The following CADM2 variants were observed in gnomAD, a reference collection of about 807,000 sequenced individuals.
CADM2 encodes cell adhesion molecule 2.
Under a neutral mutation model 49.8 loss-of-function variants are expected in CADM2, and 12 were observed. The observed-to-expected ratio is 0.24, with a 90% CI of 0.15 to 0.39. CADM2 has a LOEUF of 0.39. Ranked by LOEUF, CADM2 falls within the 10% of genes least tolerant of loss-of-function variation. CADM2 has a pLI of 1.00. For missense variants in CADM2, 378 were observed against 492.3 expected (o/e 0.77, Z 2.20); for synonymous variants, 214 against 175.4 (o/e 1.22, Z -1.74).
intron 1 of CADM2, among the ~76,000 whole-genome samples, chr3:85,502,368 C>T (rs1034020786): frequency 6.6e-6 from 1 of 151,884 alleles, no homozygotes; most frequent in African/African-American, 2.4e-5. Context: ...TTGTGAATTA[C>T]TTTGGTCGTT....
intron 1 of CADM2, among the ~76,000 whole-genome samples, chr3:85,207,698 A>T (rs1559720855): frequency 6.6e-6 from 1 of 152,198 alleles, no homozygotes; most frequent in Non-Finnish European, 1.5e-5. Flanking sequence ...ATTTAAGTTC[A>T]GTTAAGGACA....
chr3:85,075,840 C>T (rs942707252), intron 1 of CADM2, among the ~76,000 whole-genome samples: 7 of 152,050 alleles, frequency 4.6e-5, no homozygotes, highest in African/African-American at 1.7e-4. Context: ...AATTAAAATT[C>T]GTTACATTCT....
At chr3:85,209,626 A>C (rs1045410514) in intron 1 of CADM2, among the ~76,000 whole-genome samples, 1 of 152,046 alleles carries the variant, frequency 6.6e-6, no homozygotes, top group Non-Finnish European at 1.5e-5. Context: ...TGCATTTATT[A>C]CTATTTCTAA....
chr3:85,566,372 T>C (rs954747213), intron 1 of CADM2, among the ~76,000 whole-genome samples: 2 of 152,128 alleles, frequency 1.3e-5, no homozygotes, highest in Non-Finnish European at 2.9e-5. Flanking sequence ...TGGAATTTTA[T>C]TATAAAATTC....
intron 1 of CADM2, among the ~76,000 whole-genome samples, chr3:85,103,860 A>T (rs1489182858): frequency 1.3e-5 from 2 of 152,168 alleles, no homozygotes; most frequent in Non-Finnish European, 2.9e-5. Context: ...GGAGGAATGT[A>T]GTGGGCTAGG....
intron 1 of CADM2, among the ~76,000 whole-genome samples, chr3:85,213,531 A>G (rs894849673): frequency 1.3e-5 from 2 of 151,980 alleles, no homozygotes; most frequent in African/African-American, 4.8e-5. Context: ...TTGATTATTA[A>G]ATGCTTTAAG....
intron 1 of CADM2, among the ~76,000 whole-genome samples, chr3:85,521,648 C>G (rs990798480): frequency 6.6e-6 from 1 of 152,110 alleles, no homozygotes; most frequent in Non-Finnish European, 1.5e-5. Flanking sequence ...ATTTAAGACA[C>G]AATGGGCATT....
At chr3:85,743,072 C>T (rs1453248723) in intron 2 of CADM2, among the ~76,000 whole-genome samples, 1 of 152,092 alleles carries the variant, frequency 6.6e-6, no homozygotes, top group African/African-American at 2.4e-5. Context: ...ATAATAAAAG[C>T]CCCTGAAGCT....
chr3:85,803,963 CA>C (rs1254616881), intron 3 of CADM2, among the ~76,000 whole-genome samples: 1 of 152,054 alleles, frequency 6.6e-6, no homozygotes, highest in Non-Finnish European at 1.5e-5. Flanking sequence ...ACCTAATACT[CA>C]AGTAGAACTT....
intron 2 of CADM2, among the ~76,000 whole-genome samples, chr3:85,799,476 A>C (rs1302704220): frequency 6.6e-6 from 1 of 152,114 alleles, no homozygotes; most frequent in African/African-American, 2.4e-5. Flanking sequence ...TGTTTTTAGC[A>C]TGAAGGGGTG....
chr3:85,597,530 G>A (rs1163983073), intron 1 of CADM2, among the ~76,000 whole-genome samples: 1 of 151,990 alleles, frequency 6.6e-6, no homozygotes, highest in Admixed American at 6.6e-5. Context: ...GTATGATAGT[G>A]GAAAACAAAT....
At chr3:85,448,444 G>A (rs928595481) in intron 1 of CADM2, among the ~76,000 whole-genome samples, 12 of 151,588 alleles carry the variant, frequency 7.9e-5, no homozygotes, top group African/African-American at 2.7e-4. Flanking sequence ...GTTCTGCACC[G>A]TTTATCTTGC....
intron 1 of CADM2, among the ~76,000 whole-genome samples, chr3:85,125,993 T>C (rs2039021457): frequency 1.3e-5 from 2 of 152,222 alleles, no homozygotes; most frequent in African/African-American, 4.8e-5. Context: ...TCTTATTTTC[T>C]AGATATTTGC....
chr3:85,239,958 A>T (rs2042492565), intron 1 of CADM2, among the ~76,000 whole-genome samples: 1 of 151,456 alleles, frequency 6.6e-6, no homozygotes, highest in Admixed American at 6.6e-5. Flanking sequence ...ATAAGTTATA[A>T]TATTTAAAGA....
At chr3:85,327,552 G>A (rs955916653) in intron 1 of CADM2, among the ~76,000 whole-genome samples, 5 of 75,214 alleles carry the variant, frequency 6.6e-5, no homozygotes, top group African/African-American at 9.8e-5. Context: ...CACCATGCCC[G>A]GCCACACACA....
intron 1 of CADM2, among the ~76,000 whole-genome samples, chr3:85,235,960 A>G (rs1325712922): frequency 6.6e-6 from 1 of 152,088 alleles, no homozygotes; most frequent in Non-Finnish European, 1.5e-5. Context: ...TATGGTCTGT[A>G]TCTGTTGTTA....
intron 1 of CADM2, among the ~76,000 whole-genome samples, chr3:85,229,262 C>T (rs2042229593): frequency 1.3e-5 from 2 of 152,130 alleles, no homozygotes; most frequent in South Asian, 4.1e-4. Flanking sequence ...CCATGGGACC[C>T]GCTGAGCCAG....
chr3:85,366,382 G>A (rs924437455), intron 1 of CADM2, among the ~76,000 whole-genome samples: 10 of 152,142 alleles, frequency 6.6e-5, no homozygotes, highest in Non-Finnish European at 1.3e-4. Context: ...AACTGCAGAA[G>A]CCCAAACCAT....
Position 85,394,497 on chromosome 3 carries a change from C to T in CADM2, c.62-332025C>T, listed in dbSNP as rs566611888. Among the ~76,000 whole-genome samples the T allele has an allele frequency of 5.6e-4, 85 of 152,188 alleles. 2 individuals are homozygous for T. Among genetic ancestry groups the T allele is most frequent in the Middle Eastern group, 3.4e-3 (1 of 292 alleles). On this transcript the variant is annotated intron_variant, in intron 1 of 9. Transcript: ENST00000383699. ...TCTGATCTCATTTTATTTAGTTTTA[C>T]ATGTAAATAATTCATTTTCAATTGT...
Sources: allele counts gnomAD v4.1 joint callset (sites outside exome capture counted in the v4.1 genomes callset), GRCh38; gene constraint gnomAD v4.1.1; transcripts MANE v1.5; gene names NCBI Gene and HGNC (gene_info 2026-07-23, HGNC 2026-07-21).